Variants in MYCBP2 observed in about 807,000 individuals in gnomAD.
The protein encoded by MYCBP2 is E3 ubiquitin-protein ligase MYCBP2.
MYCBP2 carries 120 observed loss-of-function variants against 525.3 expected under a neutral mutation model. That is an observed-to-expected ratio of 0.23 (90% CI 0.20 to 0.27). The LOEUF (loss-of-function observed/expected upper bound fraction) is 0.27. Ranked by LOEUF, MYCBP2 falls within the 10% of genes least tolerant of loss-of-function variation. The pLI is 1.00. For missense variants in MYCBP2, 4,149 were observed against 5,657.1 expected, an observed-to-expected ratio of 0.73 and a Z score of 8.55; for synonymous variants, 1,894 against 1,955.8, an observed-to-expected ratio of 0.97 and a Z score of 0.83.
intron 68 of MYCBP2, among the ~76,000 whole-genome samples, chr13:77,072,838 A>T (rs1387184999): frequency 1.3e-5 from 2 of 152,174 alleles, no homozygotes; most frequent in Non-Finnish European, 2.9e-5. Context: ...TAACTGAAAC[A>T]GCTCTGTTAT....
intron 1 of MYCBP2, among the ~76,000 whole-genome samples, chr13:77,308,790 C>A (rs2079781421): frequency 6.6e-6 from 1 of 152,208 alleles, no homozygotes; most frequent in Non-Finnish European, 1.5e-5. Context: ...TGATGGGGAA[C>A]TAGGGCCTGA....
chr13:77,195,022 T>C (rs2061622179), intron 26 of MYCBP2, among the ~76,000 whole-genome samples: 1 of 84,012 alleles, frequency 1.2e-5, no homozygotes, highest in Non-Finnish European at 3.4e-5. Flanking sequence ...TTAAAAAATG[T>C]CCTTTTTTTT....
rs1470724959 is a variant in MYCBP2, at chr13:77,288,250, C to T, written c.505G>A (p.Ala169Thr). The change falls in exon 3 of 83, where the codon GCA becomes ACA. Residue 169 changes from alanine (A) to threonine (T), a missense_variant. Transcript: ENST00000544440. ...LEWQKKEISL[A>T]AASKNSVQSG... ...TGCACAGAGTTCTTAGATGCGGCTGCCAATGATATTTCCTTTTTCTGCCAT... is the reference window on the plus strand; with the variant it reads ...TGCACAGAGTTCTTAGATGCGGCTGTCAATGATATTTCCTTTTTCTGCCAT... 13 of 1,614,180 alleles carry T rather than the reference C, an allele frequency of 8.1e-6. No homozygotes were observed. Among genetic ancestry groups the T allele is most frequent in the Non-Finnish European group, 1.1e-5 (13 of 1,180,032 alleles).
chr13:77,079,670 A>G (rs9573994), intron 65 of MYCBP2, among the ~76,000 whole-genome samples: 86,839 of 152,010 alleles, frequency 0.57, 28,235 homozygotes, highest in Non-Finnish European at 0.73. Flanking sequence ...ATTTGGGACT[A>G]GAAGTGTTTT....
intron 55 of MYCBP2, among the ~76,000 whole-genome samples, chr13:77,116,379 C>A (rs2049769048): frequency 6.6e-6 from 1 of 151,818 alleles, no homozygotes; most frequent in Non-Finnish European, 1.5e-5. Flanking sequence ...GGGAAGAATA[C>A]CTTGCTTGGG....
intron 11 of MYCBP2, 83 bp downstream of exon 11, chr13:77,261,970 A>G: frequency 5.8e-6 from 6 of 1,039,210 alleles, no homozygotes; most frequent in Non-Finnish European, 8.3e-6. Flanking sequence ...TAAACATGCA[A>G]ACTATATAAA....
At chr13:77,086,091 G>GT (rs2044217045) in intron 62 of MYCBP2, among the ~76,000 whole-genome samples, 1 of 152,000 alleles carries the variant, frequency 6.6e-6, no homozygotes, top group East Asian at 1.9e-4. Flanking sequence ...CATAGTCAAT[G>GT]TTTTTTAAGA....
chr13:77,152,383 A>G (rs553861749), intron 46 of MYCBP2, among the ~76,000 whole-genome samples: 60 of 152,366 alleles, frequency 3.9e-4, no homozygotes, highest in African/African-American at 1.4e-3. Flanking sequence ...AACAATTAAA[A>G]AATCTGAAGA....
intron 1 of MYCBP2, among the ~76,000 whole-genome samples, chr13:77,317,441 C>T (rs963810178): frequency 2.0e-5 from 3 of 152,204 alleles, no homozygotes; most frequent in African/African-American, 4.8e-5. Flanking sequence ...CAGAGTGATG[C>T]TATGCGGAGC....
intron 1 of MYCBP2, among the ~76,000 whole-genome samples, chr13:77,297,056 G>A (rs908035151): frequency 6.6e-6 from 1 of 152,182 alleles, no homozygotes; most frequent in Non-Finnish European, 1.5e-5. Flanking sequence ...GGGCTACGGT[G>A]CAAAGGGACT....
At chr13:77,114,625 A>G (rs1156496023) in intron 55 of MYCBP2, among the ~76,000 whole-genome samples, 1 of 152,090 alleles carries the variant, frequency 6.6e-6, no homozygotes, top group Non-Finnish European at 1.5e-5. Context: ...TGAGTATAAT[A>G]GAAAAACTCT....
chr13:77,102,845 G>C (rs1290257671), intron 55 of MYCBP2, among the ~76,000 whole-genome samples: 2 of 151,714 alleles, frequency 1.3e-5, no homozygotes, highest in Non-Finnish European at 2.9e-5. Flanking sequence ...TAAAAAATGT[G>C]CTTTATGCCT....
At chr13:77,212,274 T>A (rs1235415106) in intron 21 of MYCBP2, 114 bp from the exon 22 acceptor site, 1 of 833,108 alleles carries the variant, frequency 1.2e-6, no homozygotes. Context: ...TTTTCACCAA[T>A]TGTTAGTTTG....
In MYCBP2 at chr13:77,068,619, C is replaced by G. The variant is rs755838826; in HGVS notation, c.12117G>C (p.Leu4039=). 5 of 1,614,120 alleles carry G rather than the reference C, an allele frequency of 3.1e-6. No individual in the cohort carries two copies. The highest frequency in any genetic ancestry group is 4.2e-6 in the Non-Finnish European group (5 of 1,180,022). The change falls in exon 70 of 83, where the codon CTG becomes CTC. Residue 4039 remains leucine (L), a synonymous_variant. Coordinates refer to ENST00000544440, the MANE Select transcript of MYCBP2 (RefSeq NM_015057.5). ...GRQYLAQQLT[L]LQDLFSLLHT... is the part of the protein sequence containing the mutation. ...GAAGCAGCGAGAAGAGATCCTGAAGCAGGGTTAGCTGTTGAGCCAGATATT... is the reference window on the plus strand; with the variant it reads ...GAAGCAGCGAGAAGAGATCCTGAAGGAGGGTTAGCTGTTGAGCCAGATATT...
chr13:77,132,699 G>T (rs1296083323), intron 52 of MYCBP2, among the ~76,000 whole-genome samples: 2 of 152,094 alleles, frequency 1.3e-5, no homozygotes, highest in East Asian at 3.8e-4. Flanking sequence ...ATTTTTGACA[G>T]AGTACCCAAA....
rs151027249 is a variant in MYCBP2 at position 77,127,805 on chromosome 13, C to T, written c.7660-1263G>A. On this transcript the variant is annotated intron_variant, in intron 52 of 82. Coordinates refer to ENST00000544440, the MANE Select transcript of MYCBP2 (RefSeq NM_015057.5). ...TATGTAGATTCAAGAATTCTGTATA[C>T]CTGCTACTTTGTTAATTCCATACAT... Among the ~76,000 whole-genome samples the T allele has an allele frequency of 4.7e-4, 71 of 151,872 alleles. No individual in the cohort carries two copies. In the East Asian group the frequency reaches 0.014, roughly 29 times the overall value.
At chr13:77,180,855 G>A (rs926329840) in intron 33 of MYCBP2, among the ~76,000 whole-genome samples, 28 of 152,218 alleles carry the variant, frequency 1.8e-4, no homozygotes, top group Non-Finnish European at 2.6e-4. Flanking sequence ...AGGAGGTTGA[G>A]GTTGCAGTAA....
intron 27 of MYCBP2, among the ~76,000 whole-genome samples, chr13:77,192,756 T>C (rs956107031): frequency 6.6e-6 from 1 of 152,218 alleles, no homozygotes; most frequent in African/African-American, 2.4e-5. Flanking sequence ...GCTTTGTATA[T>C]AAGCTAATGA....
chr13:77,093,430 T>A lies in MYCBP2; in HGVS notation c.10200-98A>T. The A allele has an allele frequency of 2.8e-6, 3 of 1,060,580 alleles. No individual in the cohort carries two copies. The South Asian group carries it at 5.1e-5, about 18-fold the overall frequency. 65.7% of individuals were successfully genotyped at this position (1,060,580 alleles called of 1,614,324 possible). A position where few individuals can be genotyped will look rare whatever the true frequency, so the allele number is the denominator to read the frequency against. ...TAACAGGAAAAGCAGCACATGTAAATCATAGTTAAAGGCAAAGCATTAAAA... is the reference window on the plus strand; with the variant it reads ...TAACAGGAAAAGCAGCACATGTAAAACATAGTTAAAGGCAAAGCATTAAAA... On this transcript the variant is annotated intron_variant, in intron 58 of 82. Transcript: ENST00000544440.
Sources: gnomAD v4.1 joint callset for allele counts (sites outside exome capture counted in the v4.1 genomes callset) on GRCh38, gnomAD v4.1.1 for gene constraint, MANE v1.5 for transcripts, NCBI Gene and HGNC (gene_info 2026-07-23, HGNC 2026-07-21) for gene names.